KCNH8: variants seen among roughly 807,000 people sequenced by gnomAD.
KCNH8 encodes potassium voltage-gated channel subfamily H member 8.
A neutral mutation model predicts 103.6 loss-of-function variants in KCNH8; 70 were observed. That is an observed-to-expected ratio of 0.68 (90% CI 0.56 to 0.82). The LOEUF (loss-of-function observed/expected upper bound fraction) is 0.82. KCNH8 is among the 40% of genes least tolerant of loss of function. The pLI is 0.00. For synonymous variants in KCNH8, 498 were observed against 489.4 expected (o/e 1.02, Z -0.23); for missense variants, 1,217 against 1,329.9 (o/e 0.92, Z 1.32).
intron 3 of KCNH8, among the ~76,000 whole-genome samples, chr3:19,282,496 C>T (rs1461148164): frequency 6.6e-6 from 1 of 152,088 alleles, no homozygotes; most frequent in Non-Finnish European, 1.5e-5. Flanking sequence ...ATTATTCAAA[C>T]ATGTAAGTAT....
At chr3:19,308,424 G>C (rs1171452165) in intron 3 of KCNH8, among the ~76,000 whole-genome samples, 1 of 151,786 alleles carries the variant, frequency 6.6e-6, no homozygotes, top group Middle Eastern at 3.4e-3. Context: ...CCTGACTGAA[G>C]CCTAATCAGT....
chr3:19,533,968 C>A lies in KCNH8; in HGVS notation c.3193C>A (p.Leu1065Met), dbSNP rs1414559778. 6 of 1,614,024 alleles carry A rather than the reference C, an allele frequency of 3.7e-6. No individual in the cohort carries two copies. The highest frequency in any genetic ancestry group is 5.1e-6 in the Non-Finnish European group (6 of 1,180,010). ...FSQGTVSSFS[L>M]ENLPGSWNQE... ...TCAGGGAACTGTGAGTTCCTTCAGT[C>A]TGGAAAACTTACCAGGATCTTGGAA... The change falls in exon 16 of 16, where the codon CTG (leucine) becomes ATG (methionine). Residue 1065 changes from leucine to methionine, a missense_variant. Leu to Met is a conservative substitution (Grantham distance 15, BLOSUM62 2). Coordinates refer to ENST00000328405, the MANE Select transcript of KCNH8 (RefSeq NM_144633.3).
intron 5 of KCNH8, among the ~76,000 whole-genome samples, chr3:19,386,274 A>G (rs1373977637): frequency 1.3e-5 from 2 of 152,162 alleles, no homozygotes; most frequent in Non-Finnish European, 2.9e-5. Context: ...CATTCTATGT[A>G]AAACTCAAAT....
intron 11 of KCNH8, among the ~76,000 whole-genome samples, chr3:19,475,682 A>G (rs949574678): frequency 6.6e-6 from 1 of 152,216 alleles, no homozygotes; most frequent in African/African-American, 2.4e-5. Context: ...CATGGAAAAC[A>G]TGCTCCACAA....
At chr3:19,241,456 T>G (rs904813969) in intron 1 of KCNH8, among the ~76,000 whole-genome samples, 3 of 152,130 alleles carry the variant, frequency 2.0e-5, no homozygotes, top group Non-Finnish European at 4.4e-5. Context: ...AGACTAGTGT[T>G]TTTCCAAAGT....
In KCNH8 at chr3:19,316,194, T is replaced by C. The variant is rs1476505763; in HGVS notation, c.443-26393T>C. 2.0e-5 allele frequency among the ~76,000 whole-genome samples: 3 copies of C among 152,156 alleles called. No homozygotes were observed. In the East Asian group the frequency reaches 5.8e-4, roughly 29 times the overall value. On this transcript the variant is annotated intron_variant, in intron 3 of 15. Transcript: ENST00000328405. Reference sequence around the variant, plus strand: ...TAGGTTTTCTTAACATTGGCACTATTGACATTTTGAGTTGGATAGTTATTT... The same window carrying C: ...TAGGTTTTCTTAACATTGGCACTATCGACATTTTGAGTTGGATAGTTATTT...
At chr3:19,239,532 T>C (rs2064108442) in intron 1 of KCNH8, among the ~76,000 whole-genome samples, 3 of 152,212 alleles carry the variant, frequency 2.0e-5, no homozygotes. Context: ...AGTTTCACAA[T>C]TATGGCTATG....
At chr3:19,272,900 C>A (rs1240013907) in intron 2 of KCNH8, among the ~76,000 whole-genome samples, 2 of 152,148 alleles carry the variant, frequency 1.3e-5, no homozygotes, top group African/African-American at 4.8e-5. Flanking sequence ...GAATATACGT[C>A]CTTTCAGGGA....
chr3:19,193,526 C>G (rs1365179417), intron 1 of KCNH8, among the ~76,000 whole-genome samples: 1 of 151,642 alleles, frequency 6.6e-6, no homozygotes, highest in African/African-American at 2.4e-5. Flanking sequence ...TACCTCATAT[C>G]TTGACCTTTG....
chr3:19,420,955 C>CTG (rs140617604), intron 7 of KCNH8, among the ~76,000 whole-genome samples: 105 of 151,196 alleles, frequency 6.9e-4, no homozygotes, highest in African/African-American at 2.1e-3. Context: ...ACTATGTTGA[C>CTG]TGTGTGTGTG....
chr3:19,349,071 T>C (rs1019097276), intron 5 of KCNH8, among the ~76,000 whole-genome samples: 1 of 151,974 alleles, frequency 6.6e-6, no homozygotes, highest in Non-Finnish European at 1.5e-5. Context: ...TTCAGAGCCT[T>C]GATAGGACCT....
intron 3 of KCNH8, among the ~76,000 whole-genome samples, chr3:19,322,326 G>A (rs929737638): frequency 2.0e-5 from 3 of 151,990 alleles, no homozygotes; most frequent in African/African-American, 4.8e-5. Context: ...GGTGTATTTC[G>A]AGGATTTGTT....
At chr3:19,483,706 G>A (rs1221239938) in intron 11 of KCNH8, among the ~76,000 whole-genome samples, 1 of 152,182 alleles carries the variant, frequency 6.6e-6, no homozygotes, top group Non-Finnish European at 1.5e-5. Context: ...GCTCAGGAGA[G>A]CGTTTGTAAA....
At chr3:19,257,771 A>G (rs2064364957) in intron 2 of KCNH8, among the ~76,000 whole-genome samples, 1 of 152,108 alleles carries the variant, frequency 6.6e-6, no homozygotes, top group Non-Finnish European at 1.5e-5. Context: ...GGTTACCATT[A>G]TAAAGTACCA....
intron 15 of KCNH8, among the ~76,000 whole-genome samples, chr3:19,527,268 C>T (rs1182058260): frequency 6.6e-6 from 1 of 152,052 alleles, no homozygotes; most frequent in Non-Finnish European, 1.5e-5. Flanking sequence ...AATGGCTTAT[C>T]TCTCCATGCT....
At chr3:19,476,105 A>C (rs1480906007) in intron 11 of KCNH8, among the ~76,000 whole-genome samples, 1 of 152,178 alleles carries the variant, frequency 6.6e-6, no homozygotes, top group Non-Finnish European at 1.5e-5. Context: ...TAAGTAAAAC[A>C]ATTATGCATT....
intron 1 of KCNH8, among the ~76,000 whole-genome samples, chr3:19,164,261 A>C (rs181472291): frequency 1.3e-5 from 2 of 152,308 alleles, no homozygotes; most frequent in East Asian, 3.9e-4. Context: ...TTTTGTCTCA[A>C]AGCTAGAACA....
At chr3:19,173,708 T>A (rs1299596851) in intron 1 of KCNH8, among the ~76,000 whole-genome samples, 1 of 152,140 alleles carries the variant, frequency 6.6e-6, no homozygotes, top group African/African-American at 2.4e-5. Flanking sequence ...TACTCATAAT[T>A]TATTTTTTAT....
Position 19,204,849 on chromosome 3 carries a change from C to T in KCNH8, c.77-48805C>T, listed in dbSNP as rs148133282. Among the ~76,000 whole-genome samples the T allele has an allele frequency of 4.5e-3, 684 of 152,098 alleles. 9 individuals are homozygous for T. Among genetic ancestry groups the T allele is most frequent in the African/African-American group, 0.016 (657 of 41,524 alleles). On this transcript the variant is annotated intron_variant, in intron 1 of 15. Coordinates refer to ENST00000328405, the MANE Select transcript of KCNH8 (RefSeq NM_144633.3). ...ATGAAATCAAGATGCTTTTAATGAACTCTAAATATTGAACTCTTCATTCAG... is the reference window on the plus strand; with the variant it reads ...ATGAAATCAAGATGCTTTTAATGAATTCTAAATATTGAACTCTTCATTCAG...
Sources: allele counts gnomAD v4.1 joint callset (sites outside exome capture counted in the v4.1 genomes callset), GRCh38; gene constraint gnomAD v4.1.1; transcripts MANE v1.5; gene names NCBI Gene and HGNC (gene_info 2026-07-23, HGNC 2026-07-21).